ANO7: variants seen among roughly 807,000 people sequenced by gnomAD.
ANO7 encodes anoctamin 7.
A neutral mutation model predicts 115.8 loss-of-function variants in ANO7; 114 were observed. The ratio of observed to expected loss-of-function variants is 0.98; its 90% CI spans 0.85 to 1.15. ANO7 has a LOEUF of 1.15. ANO7 is among the 50% of genes most tolerant of loss of function. The pLI is 0.00. For synonymous variants in ANO7, 550 were observed against 498.2 expected (o/e 1.10, Z -1.38); for missense variants, 1,302 against 1,201.2 (o/e 1.08, Z -1.24).
At chr2:241,235,353 C>A in the ANO7 span, 2 of 1,562,274 alleles carry the variant, frequency 1.3e-6, no homozygotes, top group African/African-American at 1.4e-5. Flanking sequence ...GGAAGGCCAC[C>A]CGCCGTGAAG....
chr2:241,231,091 A>G, the ANO7 span: 2 of 694,440 alleles, frequency 2.9e-6, no homozygotes, highest in Non-Finnish European at 4.8e-6. Context: ...GAGGTTAACA[A>G]TGTCCACTCA....
Position 241,200,087 on chromosome 2 carries a change from A to G in ANO7, c.418-2A>G, listed in dbSNP as rs1456998076. 6.2e-7 allele frequency: 1 copy of G among 1,611,598 alleles called. No homozygotes were observed. The highest frequency in any genetic ancestry group is 8.5e-7 in the Non-Finnish European group (1 of 1,179,944). On this transcript the variant is annotated splice_acceptor_variant, in intron 5 of 24. Coordinates refer to ENST00000674324, the MANE Select transcript of ANO7 (RefSeq NM_001370694.2). LOFTEE classifies it high-confidence loss of function. ...GGAGGAGCCACTGACGTTTCCTTCC[A>G]GGAGTTACCCAACCAGGCCTCCAAC...
Position 241,190,162 on chromosome 2 carries a change from C to A in ANO7, c.99C>A (p.His33Gln). 1.3e-6 allele frequency: 2 copies of A among 1,562,002 alleles called. No homozygotes were observed. Among genetic ancestry groups the A allele is most frequent in the Admixed American group, 1.9e-5 (1 of 52,216 alleles). The change falls in exon 2 of 25, where the codon CAC (histidine) becomes CAA (glutamine). Residue 33 changes from histidine to glutamine, a missense_variant. Transcript: ENST00000674324. ...EKRGSYGSTA[H>Q]ASEPGGQQAA... Reference sequence around the variant, plus strand: ...GGGGCTCTTACGGGAGCACAGCCCACGCCTCGGAGGTAACAGCACCCAGGA... The same window carrying A: ...GGGGCTCTTACGGGAGCACAGCCCAAGCCTCGGAGGTAACAGCACCCAGGA...
At chr2:241,212,291 C>T in intron 16 of ANO7, 86 bp downstream of exon 16, 1 of 1,331,952 alleles carries the variant, frequency 7.5e-7, no homozygotes, top group Non-Finnish European at 1.1e-6. Context: ...CAGGCGTCAT[C>T]CAGCCGTGCT....
At chr2:241,229,281 G>A (rs754974616), downstream of ANO7, 5 of 293,974 alleles carry the variant, frequency 1.7e-5, no homozygotes, top group African/African-American at 4.4e-5. Context: ...TCCTAGCCAC[G>A]GCTGCGGAGC....
chr2:241,222,894 C>G (rs949535021), intron 21 of ANO7, among the ~76,000 whole-genome samples: 3 of 152,202 alleles, frequency 2.0e-5, no homozygotes, highest in Non-Finnish European at 2.9e-5. Flanking sequence ...TGGACTGTCA[C>G]ATCTACTAGA....
chr2:241,213,474 CTGCA>C (rs754001478), intron 17 of ANO7, among the ~76,000 whole-genome samples: 7 of 152,226 alleles, frequency 4.6e-5, no homozygotes, highest in Non-Finnish European at 8.8e-5. Context: ...ACGGGGGTCC[CTGCA>C]AAGCAGACCC....
intron 5 of ANO7, among the ~76,000 whole-genome samples, chr2:241,199,711 G>A (rs12614793): frequency 0.022 from 3,402 of 152,322 alleles, 245 homozygotes; most frequent in East Asian, 0.19. Flanking sequence ...TGAGGGCCCT[G>A]CCTATGAACA....
chr2:241,237,970 T>C, the ANO7 span, among the ~76,000 whole-genome samples: 1 of 152,238 alleles, frequency 6.6e-6, no homozygotes, highest in Non-Finnish European at 1.5e-5. Context: ...TGACACTATG[T>C]GCACTCAGCA....
intron 22 of ANO7, 142 bp downstream of exon 22, chr2:241,223,418 C>A: frequency 9.1e-7 from 1 of 1,099,626 alleles, no homozygotes; most frequent in Non-Finnish European, 1.4e-6. Flanking sequence ...CTTCTCTGCA[C>A]CTGCGTTTTC....
Position 241,203,576 on chromosome 2 carries a change from T to C in ANO7, c.889+78T>C. Reference sequence around the variant, plus strand: ...CAGGTTGTAACAATTTGCCAGTCCGTACCCCTGGAGGGCAGCGTGCGTGGG... The same window carrying C: ...CAGGTTGTAACAATTTGCCAGTCCGCACCCCTGGAGGGCAGCGTGCGTGGG... On this transcript the variant is annotated intron_variant, in intron 9 of 24. Coordinates refer to ENST00000674324, the MANE Select transcript of ANO7 (RefSeq NM_001370694.2). The surrounding 1 kb of genome is among the most constrained non-coding windows in gnomAD (Gnocchi z 4.8). The C allele has an allele frequency of 2.6e-6, 3 of 1,138,676 alleles. No homozygotes were observed. The highest frequency in any genetic ancestry group is 3.6e-6 in the Non-Finnish European group (3 of 834,758). 70.5% of individuals were successfully genotyped at this position (1,138,676 alleles called of 1,614,324 possible). A position where few individuals can be genotyped will look rare whatever the true frequency, so the allele number is the denominator to read the frequency against.
At chr2:241,238,626 A>G in the ANO7 span, 1 of 1,525,622 alleles carries the variant, frequency 6.6e-7, no homozygotes, top group Non-Finnish European at 8.9e-7. The surrounding 1 kb of genome is among the most constrained non-coding windows in gnomAD (Gnocchi z 4.9). Flanking sequence ...TAACAAGCAG[A>G]GCAGGGCTAA....
chr2:241,212,930 C>T (rs2068748139), intron 17 of ANO7: 5 of 387,466 alleles, frequency 1.3e-5, no homozygotes, highest in Non-Finnish European at 2.4e-5. Flanking sequence ...CCCAAGAGTA[C>T]GAGACCAGCT....
intron 21 of ANO7, among the ~76,000 whole-genome samples, chr2:241,221,204 T>C (rs1056863007): frequency 8.6e-5 from 13 of 151,024 alleles, no homozygotes; most frequent in South Asian, 2.1e-4. Context: ...GCCTCACAAG[T>C]AGCTGGGATT....
Position 241,203,158 on chromosome 2 carries a change from T to C in ANO7, c.724-175T>C, listed in dbSNP as rs2068509710. Among the ~76,000 whole-genome samples, 1 of 151,698 alleles carries C rather than the reference T, an allele frequency of 6.6e-6. No individual in the cohort carries two copies. Among genetic ancestry groups the C allele is most frequent in the African/African-American group, 2.4e-5 (1 of 41,238 alleles). ...CACATATGTCCCCTCCTCAGAGAGG[T>C]CCTCCCGGACCACCCTGTACCCACC... On this transcript the variant is annotated intron_variant, in intron 8 of 24. Coordinates refer to ENST00000674324, the MANE Select transcript of ANO7 (RefSeq NM_001370694.2). This position sits in a 1 kb window ranked among gnomAD's most constrained non-coding sequence, Gnocchi z 4.8.
At chr2:241,204,790 A>T in intron 9 of ANO7, 75 bp from the exon 10 acceptor site, 1 of 1,133,914 alleles carries the variant, frequency 8.8e-7, no homozygotes, top group Non-Finnish European at 1.3e-6. Context: ...GGGGACAAGC[A>T]TGGCTGTGCA....
chr2:241,192,883 G>GGT (rs2068236780), intron 3 of ANO7, among the ~76,000 whole-genome samples: 7 of 151,914 alleles, frequency 4.6e-5, no homozygotes, highest in Non-Finnish European at 7.4e-5. Context: ...CATAGAGAGA[G>GGT]AAGGTAGAAT....
chr2:241,190,484 C>T (rs2068174533), intron 2 of ANO7, among the ~76,000 whole-genome samples: 1 of 152,198 alleles, frequency 6.6e-6, no homozygotes, highest in Non-Finnish European at 1.5e-5. Flanking sequence ...GGTGTCAGTC[C>T]CAGTCAGTGC....
intron 21 of ANO7, among the ~76,000 whole-genome samples, chr2:241,219,614 C>T (rs549933337): frequency 1.3e-5 from 2 of 151,166 alleles, no homozygotes; most frequent in South Asian, 4.2e-4. Flanking sequence ...GTATCCCATT[C>T]TAGAATGCAC....
Sources: allele counts gnomAD v4.1 joint callset (sites outside exome capture counted in the v4.1 genomes callset), GRCh38; gene constraint gnomAD v4.1.1; non-coding constraint Gnocchi (gnomAD v3.1); transcripts MANE v1.5; gene names NCBI Gene and HGNC (gene_info 2026-07-23, HGNC 2026-07-21).